The following ZNF385D variants were observed in gnomAD, a reference collection of about 807,000 sequenced individuals.
ZNF385D encodes zinc finger protein 385D.
In ZNF385D, 15 loss-of-function variants were observed where a neutral mutation model predicts 35.8. The ratio of observed to expected loss-of-function variants is 0.42; its 90% CI spans 0.28 to 0.64. ZNF385D has a LOEUF of 0.64. ZNF385D is among the 30% of genes least tolerant of loss of function. ZNF385D has a pLI of 0.23. For missense variants in ZNF385D, 474 were observed against 494.6 expected, an observed-to-expected ratio of 0.96 and a Z score of 0.39; for synonymous variants, 212 against 186.8, an observed-to-expected ratio of 1.13 and a Z score of -1.10.
chr3:21,643,353 C>T (rs2065660698), intron 2 of ZNF385D, among the ~76,000 whole-genome samples: 1 of 152,056 alleles, frequency 6.6e-6, no homozygotes, highest in Non-Finnish European at 1.5e-5. Context: ...AGCAGAATGA[C>T]AGGATAGCCA....
At chr3:21,793,601 T>TA (rs546772465) in intron 3 of ZNF385D, among the ~76,000 whole-genome samples, 19 of 152,160 alleles carry the variant, frequency 1.2e-4, no homozygotes, top group African/African-American at 4.3e-4. Flanking sequence ...GATCTTCAGG[T>TA]AAAAAAACTG....
chr3:22,216,328 C>T (rs1382292781), intron 2 of ZNF385D, among the ~76,000 whole-genome samples: 1 of 151,978 alleles, frequency 6.6e-6, no homozygotes, highest in Non-Finnish European at 1.5e-5. Flanking sequence ...ACTTTCATTG[C>T]AATCTTGTTA....
At chr3:22,330,175 CAAG>C (rs1361431352) in intron 2 of ZNF385D, among the ~76,000 whole-genome samples, 5 of 152,150 alleles carry the variant, frequency 3.3e-5, no homozygotes, top group Admixed American at 6.5e-5. Context: ...TTCATTTTTA[CAAG>C]AAGTATTCTT....
chr3:21,872,306 A>G (rs1287544610), intron 3 of ZNF385D, among the ~76,000 whole-genome samples: 4 of 152,162 alleles, frequency 2.6e-5, no homozygotes, highest in Non-Finnish European at 5.9e-5. Context: ...GCATTTTCTC[A>G]TAGTGCATGC....
chr3:21,868,818 ACTTT>A (rs1304143887), intron 3 of ZNF385D, among the ~76,000 whole-genome samples: 1 of 152,126 alleles, frequency 6.6e-6, no homozygotes, highest in Non-Finnish European at 1.5e-5. Flanking sequence ...TTACAATAAT[ACTTT>A]CTTTGACTGA....
chr3:21,484,690 C>A (rs905539800), intron 4 of ZNF385D, among the ~76,000 whole-genome samples: 1 of 152,074 alleles, frequency 6.6e-6, no homozygotes, highest in Admixed American at 6.6e-5. Context: ...CTCTTTGATC[C>A]AGATTCTGAA....
chr3:22,015,610 C>T (rs1218204325), intron 3 of ZNF385D, among the ~76,000 whole-genome samples: 2 of 152,064 alleles, frequency 1.3e-5, no homozygotes, highest in South Asian at 4.1e-4. Flanking sequence ...GCTGTGAATT[C>T]TCATGTGTGA....
chr3:22,098,645 G>A (rs1324613261), intron 3 of ZNF385D, among the ~76,000 whole-genome samples: 3 of 151,996 alleles, frequency 2.0e-5, no homozygotes, highest in Non-Finnish European at 2.9e-5. Context: ...TTGCCATGTA[G>A]GCATGGGTGC....
rs549249692 is a variant in ZNF385D, at chr3:22,305,090, T to C, written c.106+67360A>G. Among the ~76,000 whole-genome samples, 36 of 152,188 alleles carry C rather than the reference T, an allele frequency of 2.4e-4. No homozygotes were observed. The South Asian group carries it at 5.0e-3, about 21-fold the overall frequency. ...TCCAGTTCTCTTTTAATCTCAGCTT[T>C]CGTCTTAGGTACCTTCCTTTAATCT... On this transcript the variant is annotated intron_variant, in intron 2 of 5. Transcript: ENST00000494108.
chr3:22,023,902 A>G (rs1218894120), intron 3 of ZNF385D, among the ~76,000 whole-genome samples: 1 of 152,080 alleles, frequency 6.6e-6, no homozygotes, highest in East Asian at 1.9e-4. Context: ...TCGTTTTCAT[A>G]CTGCTCTAAA....
Position 21,663,915 on chromosome 3 carries a change from A to ATATATATATT in ZNF385D, c.165+970_165+971insAATATATATA, listed in dbSNP as rs1159950305. 9.1e-4 allele frequency among the ~76,000 whole-genome samples: 96 copies of ATATATATATT among 105,852 alleles called. 1 individual carries two copies. Among genetic ancestry groups the ATATATATATT allele is most frequent in the Non-Finnish European group, 1.4e-3 (74 of 52,000 alleles). 69.4% of individuals were successfully genotyped at this position (105,852 alleles called of 152,430 possible). On this transcript the variant is annotated intron_variant, in intron 2 of 7. Coordinates refer to ENST00000281523, the MANE Select transcript of ZNF385D (RefSeq NM_024697.3). ...AATATATATATATATATATATATAT[A>ATATATATATT]TATTTATTTATTTAAATCCATCATG...
chr3:21,954,525 A>T (rs1317283851), intron 3 of ZNF385D, among the ~76,000 whole-genome samples: 1 of 152,022 alleles, frequency 6.6e-6, no homozygotes, highest in Non-Finnish European at 1.5e-5. Flanking sequence ...TGTCTTAGTA[A>T]TATTTACACG....
chr3:21,478,542 C>T (rs577299337), intron 4 of ZNF385D, among the ~76,000 whole-genome samples: 2 of 152,084 alleles, frequency 1.3e-5, no homozygotes, highest in African/African-American at 2.4e-5. Context: ...GAAGAACAAA[C>T]CTTTGTTACT....
At chr3:21,922,927 C>G (rs1263572937) in intron 3 of ZNF385D, among the ~76,000 whole-genome samples, 1 of 152,090 alleles carries the variant, frequency 6.6e-6, no homozygotes, top group East Asian at 1.9e-4. Flanking sequence ...ACTTCAATAG[C>G]TGAACAAACA....
At chr3:22,015,392 A>G (rs1338881277) in intron 3 of ZNF385D, among the ~76,000 whole-genome samples, 1 of 152,148 alleles carries the variant, frequency 6.6e-6, no homozygotes, top group Non-Finnish European at 1.5e-5. Flanking sequence ...CACCTAAGTC[A>G]ACTTGAAAGA....
At chr3:22,202,679 G>C (rs1228036431) in intron 2 of ZNF385D, among the ~76,000 whole-genome samples, 1 of 152,150 alleles carries the variant, frequency 6.6e-6, no homozygotes, top group African/African-American at 2.4e-5. Context: ...GGAATTGCCA[G>C]TACTTCCCCT....
At chr3:21,990,755 A>T (rs756916108) in intron 3 of ZNF385D, among the ~76,000 whole-genome samples, 46 of 152,194 alleles carry the variant, frequency 3.0e-4, no homozygotes, top group Non-Finnish European at 5.6e-4. Flanking sequence ...TCTACAGAAA[A>T]ACTGTATGAG....
At chr3:22,363,157 C>T (rs1696493337) in intron 2 of ZNF385D, among the ~76,000 whole-genome samples, 1 of 63,992 alleles carries the variant, frequency 1.6e-5, no homozygotes, top group Admixed American at 1.6e-4. Flanking sequence ...GCAAGGTCTA[C>T]CACTGCCTGG....
At chr3:21,616,598 C>T (rs1575328073) in intron 2 of ZNF385D, among the ~76,000 whole-genome samples, 1 of 152,216 alleles carries the variant, frequency 6.6e-6, no homozygotes, top group South Asian at 2.1e-4. Flanking sequence ...TTTCTCTAGC[C>T]TTTACATTTA....
Sources: gnomAD v4.1 joint callset for allele counts (sites outside exome capture counted in the v4.1 genomes callset) on GRCh38, gnomAD v4.1.1 for gene constraint, MANE v1.5 for transcripts, NCBI Gene and HGNC (gene_info 2026-07-23, HGNC 2026-07-21) for gene names.